Variants in NLGN3 observed in about 807,000 individuals in gnomAD.
NLGN3 encodes neuroligin 3, also known as neuroligin-3.
Under a neutral mutation model 42.9 loss-of-function variants are expected in NLGN3, and 11 were observed. That is an observed-to-expected ratio of 0.26 (90% CI 0.16 to 0.42). The LOEUF is 0.42. Among genes scored for constraint, NLGN3 ranks in the 10% least tolerant of loss-of-function variants. NLGN3 has a pLI of 1.00. For missense variants in NLGN3, 374 were observed against 733.8 expected (o/e 0.51, Z 5.67); for synonymous variants, 279 against 312.7 (o/e 0.89, Z 1.14).
At chrX:71,168,721 CAAA>C (rs60203125) in intron 7 of NLGN3, among the ~76,000 whole-genome samples, 1 of 17,428 alleles carries the variant, frequency 5.7e-5, no homozygotes, top group African/African-American at 2.3e-4. Context: ...GACTCTGTCT[CAAA>C]AAAAAAAAAA....
chrX:71,157,101 G>A (rs1004129895), intron 5 of NLGN3, among the ~76,000 whole-genome samples: 1 of 110,569 alleles, frequency 9.0e-6, no homozygotes, highest in South Asian at 3.8e-4. Context: ...GGTCAGGTCT[G>A]TAGGCATATG....
intron 5 of NLGN3, 28 bp from the exon 6 acceptor site, chrX:71,164,115 T>A (rs1240993213): frequency 1.7e-6 from 2 of 1,205,873 alleles, no homozygotes; most frequent in Admixed American, 4.3e-5. Context: ...TCTGCCTTCA[T>A]TGTCTTCATG....
At chrX:71,172,642 G>GCA (rs1335667185), downstream of NLGN3, among the ~76,000 whole-genome samples, 2 of 110,060 alleles carry the variant, frequency 1.8e-5, no homozygotes, top group Non-Finnish European at 3.8e-5. Context: ...GTGTGTGTGT[G>GCA]TGTGTGTGTG....
At position 71,169,943 on chromosome X, in the gene NLGN3, G is replaced by A. The variant is rs1165228606; in HGVS notation, c.2393G>A (p.Arg798His). The A allele has an allele frequency of 7.5e-6, 9 of 1,204,673 alleles. No homozygotes were observed. Among genetic ancestry groups the A allele is most frequent in the African/African-American group, 1.7e-5 (1 of 57,251 alleles). Residue 798 changes from arginine (R) to histidine (H), a missense_variant, in exon 8 of 8, where the codon CGC (arginine) becomes CAC (histidine). Arg to His is a conservative substitution (Grantham distance 29). Transcript: ENST00000358741. ...ALPDYTLTLR[R>H]SPDDIPLMTP... is the part of the protein sequence containing the mutation. Reference sequence around the variant, plus strand: ...CCCGACTACACCCTGACCCTGCGGCGCTCCCCGGATGACATCCCACTCATG... The same window carrying A: ...CCCGACTACACCCTGACCCTGCGGCACTCCCCGGATGACATCCCACTCATG...
downstream of NLGN3, among the ~76,000 whole-genome samples, chrX:71,171,914 C>T (rs191064383): frequency 2.4e-4 from 27 of 111,126 alleles, no homozygotes; most frequent in Admixed American, 2.4e-3. Context: ...GGAGTGTGCT[C>T]GGCAAGTATG....
intron 5 of NLGN3, among the ~76,000 whole-genome samples, chrX:71,158,104 G>A (rs1283116994): frequency 1.8e-5 from 2 of 108,993 alleles, no homozygotes; most frequent in African/African-American, 6.7e-5. Flanking sequence ...TTGAGACAGA[G>A]TCTCACTCTG....
In NLGN3 at chrX:71,147,427, C is replaced by T. The variant is rs1230859762; in HGVS notation, c.-200-123C>T. The T allele has an allele frequency of 2.5e-5, 9 of 354,829 alleles. No homozygotes were observed. The East Asian group carries it at 4.4e-4, about 17-fold the overall frequency. The allele number at this position is 354,829 out of a possible 1,213,427, so 29.2% of individuals were successfully genotyped here. The stretch of plus-strand genomic sequence containing the variant: ...TCTGTGGGATCACAGTCCCTGGGCC[C>T]CTGGGCATGTGAAACCTCTCCTACC... On this transcript the variant is annotated intron_variant, in intron 1 of 7. Coordinates refer to ENST00000358741, the MANE Select transcript of NLGN3 (RefSeq NM_181303.2).
At chrX:71,171,727 T>A (rs2092471662), downstream of NLGN3, 1 of 698,847 alleles carries the variant, frequency 1.4e-6, no homozygotes, top group South Asian at 7.4e-5. Flanking sequence ...CCAGGGATAC[T>A]TGTTTGCTGC....
At position 71,164,250 on chromosome X, in the gene NLGN3, C is replaced by T; in HGVS notation, c.835C>T (p.Pro279Ser). 8.2e-7 allele frequency: 1 copy of T among 1,212,327 alleles called. No individual in the cohort carries two copies. The highest frequency in any genetic ancestry group is 1.1e-6 in the Non-Finnish European group (1 of 895,498). The change falls in exon 6 of 8, where the codon CCC becomes TCC. Residue 279 changes from proline (P) to serine (S), a missense_variant. Physicochemically the swap from Pro to Ser is moderately conservative, Grantham distance 74. Coordinates refer to ENST00000358741, the MANE Select transcript of NLGN3 (RefSeq NM_181303.2). The part of the protein sequence containing the change: ...SENIAFFGGD[P>S]RRITVFGSGI... ...GAATATTGCCTTCTTCGGGGGAGAC[C>T]CCCGCCGGATCACTGTCTTTGGCTC...
At chrX:71,153,924 G>A (rs181346306) in intron 4 of NLGN3, among the ~76,000 whole-genome samples, 8 of 111,994 alleles carry the variant, frequency 7.1e-5, no homozygotes, top group African/African-American at 2.3e-4. Context: ...CTGTGTTTCA[G>A]TGAAGAGACC....
Position 71,169,147 on chromosome X carries a change from TG to T in NLGN3, c.1704-104del, listed in dbSNP as rs769726637. On this transcript the variant is annotated intron_variant, in intron 7 of 7. Transcript: ENST00000358741. Reference sequence around the variant, plus strand: ...GGGACCCTGAAAAAGATGGAAATGGTGGGAAGTTCTAAACTGGGAAAGAGGT... The same window carrying T: ...GGGACCCTGAAAAAGATGGAAATGGTGGAAGTTCTAAACTGGGAAAGAGGT... The T allele has an allele frequency of 3.5e-4, 324 of 929,558 alleles. 3 individuals carry two copies. The East Asian group carries it at 0.01, about 29-fold the overall frequency. 76.6% of individuals were successfully genotyped at this position (929,558 alleles called of 1,213,427 possible). A position where few individuals can be genotyped will look rare whatever the true frequency, so the allele number is the denominator to read the frequency against.
intron 1 of NLGN3, among the ~76,000 whole-genome samples, chrX:71,146,180 C>CACACACAG (rs2092368948): frequency 1.4e-5 from 1 of 72,258 alleles, no homozygotes; most frequent in Non-Finnish European, 2.5e-5. Context: ...CAGACACACA[C>CACACACAG]ACACACACAC....
At chrX:71,168,219 G>C (rs184192977) in intron 7 of NLGN3, among the ~76,000 whole-genome samples, 2 of 111,197 alleles carry the variant, frequency 1.8e-5, no homozygotes, top group Non-Finnish European at 3.8e-5. Flanking sequence ...GTGCATGCCT[G>C]TAGTCCCAGG....
rs1438918001 is a variant in NLGN3 at position 71,170,355 on chromosome X, C to T, written c.*258C>T. On this transcript the variant is annotated 3_prime_UTR_variant, in exon 8 of 8. Transcript: ENST00000358741. ...GGACGCAGATGAGTCCTCGGTAAACCGAGGACCCATGAAACAGCAGCTGAA... is the reference window on the plus strand; with the variant it reads ...GGACGCAGATGAGTCCTCGGTAAACTGAGGACCCATGAAACAGCAGCTGAA... 16 of 1,019,131 alleles carry T rather than the reference C, an allele frequency of 1.6e-5. No homozygotes were observed. In the Admixed American group the frequency reaches 2.0e-4, roughly 13 times the overall value. 84.0% of individuals were successfully genotyped at this position (1,019,131 alleles called of 1,213,427 possible).
chrX:71,150,041 G>T (rs749819904), intron 3 of NLGN3, among the ~76,000 whole-genome samples: 38 of 110,981 alleles, frequency 3.4e-4, no homozygotes, highest in Admixed American at 4.8e-4. Context: ...ATTTCTGGGG[G>T]CAGAGCCTGG....
intron 3 of NLGN3, among the ~76,000 whole-genome samples, chrX:71,151,045 C>T (rs1404876065): frequency 8.9e-6 from 1 of 111,803 alleles, no homozygotes; most frequent in African/African-American, 3.3e-5. Context: ...TGGCCGGGCG[C>T]GGTGGCTTAT....
chrX:71,170,767 G>A lies in NLGN3; in HGVS notation c.*670G>A. The A allele has an allele frequency of 1.3e-6, 1 of 758,638 alleles. No homozygotes were observed. 62.5% of individuals were successfully genotyped at this position (758,638 alleles called of 1,213,427 possible). A position where few individuals can be genotyped will look rare whatever the true frequency, so the allele number is the denominator to read the frequency against. On this transcript the variant is annotated 3_prime_UTR_variant, in exon 8 of 8. Coordinates refer to ENST00000358741, the MANE Select transcript of NLGN3 (RefSeq NM_181303.2). ...ATGGGGTGGAAGGAGAAAGGGGCTA[G>A]CACTGGATGGAGCTGGAGGGTCGTA...
intron 1 of NLGN3, among the ~76,000 whole-genome samples, chrX:71,146,903 C>T (rs2092372723): frequency 9.0e-6 from 1 of 111,563 alleles, no homozygotes; most frequent in Non-Finnish European, 1.9e-5. Context: ...TAAGAGAGAG[C>T]CAACCGAAAG....
At chrX:71,155,865 A>T (rs2092406962) in intron 5 of NLGN3, among the ~76,000 whole-genome samples, 1 of 110,647 alleles carries the variant, frequency 9.0e-6, no homozygotes, top group South Asian at 3.8e-4. Context: ...ACCTAGCCCC[A>T]CATTCACATC....
Sources: allele counts gnomAD v4.1 joint callset (sites outside exome capture counted in the v4.1 genomes callset), GRCh38; gene constraint gnomAD v4.1.1; transcripts MANE v1.5; gene names NCBI Gene and HGNC (gene_info 2026-07-23, HGNC 2026-07-21).